Variants in RSPH1 observed in about 807,000 individuals in gnomAD.
RSPH1 encodes radial spoke head component 1.
In RSPH1, 32 loss-of-function variants were observed where a neutral mutation model predicts 44.2. The observed-to-expected ratio is 0.72, with a 90% CI of 0.55 to 0.97. The LOEUF (loss-of-function observed/expected upper bound fraction) is 0.97. Among genes scored for constraint, RSPH1 ranks in the 50% least tolerant of loss-of-function variants. The pLI, the probability that RSPH1 is intolerant of heterozygous loss-of-function variation, is 0.00. For missense variants in RSPH1, 391 were observed against 398.7 expected, an observed-to-expected ratio of 0.98 and a Z score of 0.16; for synonymous variants, 134 against 147.3, an observed-to-expected ratio of 0.91 and a Z score of 0.65.
intron 7 of RSPH1, 126 bp from the exon 8 acceptor site, chr21:42,476,173 G>A (rs772415828): frequency 4.4e-6 from 4 of 900,166 alleles, no homozygotes; most frequent in East Asian, 2.6e-5. Flanking sequence ...AGCACCTCAT[G>A]TTCCCCATCT....
Position 42,482,620 on chromosome 21 carries a change from C to T in RSPH1, c.573+17G>A, listed in dbSNP as rs2054139954. The T allele has an allele frequency of 6.3e-7, 1 of 1,589,488 alleles. No individual in the cohort carries two copies. The highest frequency in any genetic ancestry group is 8.6e-7 in the Non-Finnish European group (1 of 1,159,410). ...TCCCTGTTAATGTAACAAAACCCTA[C>T]ATGCTCCGCAACTTACCATATCTGT... On this transcript the variant is annotated intron_variant, in intron 6 of 8. Coordinates refer to ENST00000291536, the MANE Select transcript of RSPH1 (RefSeq NM_080860.4).
Position 42,485,750 on chromosome 21 carries a change from G to A in RSPH1, c.420C>T (p.Thr140=), listed in dbSNP as rs777909496. The change falls in exon 5 of 9, where the codon ACC becomes ACT. Residue 140 remains threonine (T), a synonymous_variant. Transcript: ENST00000291536. ...YAETGSKYVG[T]WVNGQQEGTA... is the part of the protein sequence containing the mutation. ...TGCCCTCCTGCTGTCCGTTCACCCA[G>A]GTGCCAACATACTTACTGCCCGTCT... The A allele has an allele frequency of 1.9e-6, 3 of 1,614,200 alleles. No individual in the cohort carries two copies. The highest frequency in any genetic ancestry group is 1.7e-5 in the Admixed American group (1 of 60,026).
chr21:42,475,307 T>C (rs1327962584), intron 8 of RSPH1, among the ~76,000 whole-genome samples: 2 of 152,086 alleles, frequency 1.3e-5, no homozygotes, highest in African/African-American at 4.8e-5. Flanking sequence ...CTAAAAATCA[T>C]GCAAATCCCA....
At chr21:42,486,188 G>A in intron 4 of RSPH1, 183 bp downstream of exon 4, 1 of 601,506 alleles carries the variant, frequency 1.7e-6, no homozygotes, top group Non-Finnish European at 3.0e-6. Context: ...TCAGATACTT[G>A]AGTCTACACT....
chr21:42,496,010 G>C, intron 1 of RSPH1, 123 bp downstream of exon 1: 1 of 1,106,716 alleles, frequency 9.0e-7, no homozygotes, highest in Non-Finnish European at 1.4e-6. Flanking sequence ...GTCCCTGCCG[G>C]GGATCCTGGG....
At chr21:42,486,534 G>A (rs571634463) in intron 3 of RSPH1, 73 bp from the exon 4 acceptor site, 1 of 1,076,774 alleles carries the variant, frequency 9.3e-7, no homozygotes, top group Non-Finnish European at 1.4e-6. Flanking sequence ...TCTTCAAATT[G>A]TTAACCATGG....
intron 1 of RSPH1, among the ~76,000 whole-genome samples, chr21:42,495,790 A>G (rs2054281471): frequency 6.6e-6 from 1 of 152,198 alleles, no homozygotes; most frequent in Non-Finnish European, 1.5e-5. Context: ...GCGTGGGATG[A>G]TCTGCTCATC....
In RSPH1 at chr21:42,474,466, C is replaced by T. The variant is rs1601622064; in HGVS notation, c.877+1432G>A. Among the ~76,000 whole-genome samples the T allele has an allele frequency of 6.6e-6, 1 of 152,216 alleles. No homozygotes were observed. Among genetic ancestry groups the T allele is most frequent in the African/African-American group, 2.4e-5 (1 of 41,446 alleles). On this transcript the variant is annotated intron_variant, in intron 8 of 8. Coordinates refer to ENST00000291536, the MANE Select transcript of RSPH1 (RefSeq NM_080860.4). This position sits in a 1 kb window ranked among gnomAD's most constrained non-coding sequence, Gnocchi z 5.2. ...CAGCTTCCCATTAGGTGCTAGAGGGCGAGAGCCCAGCCCCTCACTCCCACA... is the reference window on the plus strand; with the variant it reads ...CAGCTTCCCATTAGGTGCTAGAGGGTGAGAGCCCAGCCCCTCACTCCCACA...
intron 3 of RSPH1, 41 bp downstream of exon 3, chr21:42,492,717 A>G: frequency 8.2e-7 from 1 of 1,219,284 alleles, no homozygotes; most frequent in Non-Finnish European, 1.2e-6. Flanking sequence ...AGAAAGAAAA[A>G]CTTCTGTAAC....
intron 7 of RSPH1, among the ~76,000 whole-genome samples, chr21:42,477,032 ACAGCCCGGGGG>A (rs2054063847): frequency 5.4e-5 from 1 of 18,444 alleles, no homozygotes; most frequent in African/African-American, 1.6e-4. Context: ...CCTCTGTCCC[ACAGCCCGGGGG>A]TGCCCCACAC....
At chr21:42,487,629 T>C (rs2054193116) in intron 3 of RSPH1, among the ~76,000 whole-genome samples, 1 of 152,244 alleles carries the variant, frequency 6.6e-6, no homozygotes. Flanking sequence ...TTTTGATTTA[T>C]CATTGCAAAT....
At chr21:42,486,093 C>G (rs1196276184) in intron 4 of RSPH1, 2 of 572,780 alleles carry the variant, frequency 3.5e-6, no homozygotes, top group East Asian at 2.9e-5. Flanking sequence ...TGGCTCAGGT[C>G]CCCCAGTGGC....
In RSPH1 at chr21:42,482,374, T is replaced by C. The variant is rs144668864; in HGVS notation, c.573+263A>G. Among the ~76,000 whole-genome samples, 16 of 152,320 alleles carry C rather than the reference T, an allele frequency of 1.1e-4. 4 individuals carry two copies. Among genetic ancestry groups the C allele is most frequent in the East Asian group, 1.9e-4 (1 of 5,180 alleles). The stretch of plus-strand genomic sequence containing the variant: ...CTGGGATTACAGGCGTGAGCCATTG[T>C]GCCCTGCCAGGATTAGTTTCTATCA... On this transcript the variant is annotated intron_variant, in intron 6 of 8. Transcript: ENST00000291536.
At chr21:42,476,086 A>G (rs2054045859) in intron 7 of RSPH1, 39 bp from the exon 8 acceptor site, 1 of 1,608,328 alleles carries the variant, frequency 6.2e-7, no homozygotes, top group African/African-American at 1.3e-5. Context: ...AGTTCCTGGG[A>G]AAAATGGAGC....
intron 8 of RSPH1, 101 bp downstream of exon 8, chr21:42,475,797 G>A: frequency 7.3e-7 from 1 of 1,375,264 alleles, no homozygotes; most frequent in Non-Finnish European, 1.0e-6. Flanking sequence ...GAGTCCCTGG[G>A]GCCCAGCTGA....
At position 42,482,541 on chromosome 21, in the gene RSPH1, CT is replaced by C. The variant is rs952416623; in HGVS notation, c.573+95del. 6 of 847,776 alleles carry C rather than the reference CT, an allele frequency of 7.1e-6. No homozygotes were observed. The African/African-American group carries it at 1.0e-4, about 15-fold the overall frequency. 52.5% of individuals were successfully genotyped at this position (847,776 alleles called of 1,614,324 possible). A position where few individuals can be genotyped will look rare whatever the true frequency, so the allele number is the denominator to read the frequency against. ...TGAAAGTGCCTAAGAGTTGGCATAA[CT>C]TTTAGGCGAATCACCTCCAACCTTG... On this transcript the variant is annotated intron_variant, in intron 6 of 8. Coordinates refer to ENST00000291536, the MANE Select transcript of RSPH1 (RefSeq NM_080860.4).
rs1568958790 is a variant in RSPH1, at chr21:42,477,059, GCCCCCTCC to G, written c.727+224_727+231del. On this transcript the variant is annotated intron_variant, in intron 7 of 8. Transcript: ENST00000291536. ...AGCCCGGGGGTGCCCCACACCCTCTGCCCCCTCCACCCCACAGCCCGGGGATGCCCCAC... is the reference window on the plus strand; with the variant it reads ...AGCCCGGGGGTGCCCCACACCCTCTGACCCCACAGCCCGGGGATGCCCCAC... Among the ~76,000 whole-genome samples the G allele has an allele frequency of 6.5e-5, 8 of 123,952 alleles. No homozygotes were observed. In the East Asian group the frequency reaches 1.0e-3, roughly 15 times the overall value. 81.3% of individuals were successfully genotyped at this position (123,952 alleles called of 152,430 possible).
At chr21:42,476,160 G>C in intron 7 of RSPH1, 113 bp from the exon 8 acceptor site, 1 of 1,019,838 alleles carries the variant, frequency 9.8e-7, no homozygotes, top group Non-Finnish European at 1.4e-6. Context: ...CCCTCCCACT[G>C]GCAGCACCTC....
intron 4 of RSPH1, 67 bp from the exon 5 acceptor site, chr21:42,485,871 A>G: frequency 6.3e-7 from 1 of 1,595,068 alleles, no homozygotes; most frequent in Non-Finnish European, 8.6e-7. Context: ...GGTTTAAAAC[A>G]CAGACATTGA....
Sources: gnomAD v4.1 joint callset for allele counts (sites outside exome capture counted in the v4.1 genomes callset) on GRCh38, gnomAD v4.1.1 for gene constraint, Gnocchi (gnomAD v3.1) non-coding constraint, MANE v1.5 for transcripts, NCBI Gene and HGNC (gene_info 2026-07-23, HGNC 2026-07-21) for gene names.